Variants in OPHN1 observed in about 807,000 individuals in gnomAD.
The protein encoded by OPHN1 is oligophrenin-1.
A neutral mutation model predicts 60.7 loss-of-function variants in OPHN1; 11 were observed. That is an observed-to-expected ratio of 0.18 (90% confidence interval 0.11 to 0.30). The LOEUF (loss-of-function observed/expected upper bound fraction) is 0.30. Among genes scored for constraint, OPHN1 ranks in the 10% least tolerant of loss-of-function variants. The pLI is 1.00. For synonymous variants in OPHN1, 226 were observed against 222.6 expected, an observed-to-expected ratio of 1.02 and a Z score of -0.14; for missense variants, 449 against 611.0, an observed-to-expected ratio of 0.73 and a Z score of 2.80.
At chrX:68,109,601 A>T (rs188343703) in intron 18 of OPHN1, among the ~76,000 whole-genome samples, 5,396 of 111,173 alleles carry the variant, frequency 0.049, 126 homozygotes, top group Non-Finnish European at 0.07. Flanking sequence ...AGTTTTTTTT[A>T]AATTTATCTT....
At chrX:68,236,301 A>C in intron 5 of OPHN1, among the ~76,000 whole-genome samples, 1 of 112,035 alleles carries the variant, frequency 8.9e-6, no homozygotes, top group Middle Eastern at 4.6e-3. Context: ...ATTTGAGAAA[A>C]GCATGGGCCA....
chrX:68,341,609 A>G (rs977528423), intron 2 of OPHN1, among the ~76,000 whole-genome samples: 3 of 111,635 alleles, frequency 2.7e-5, no homozygotes, highest in Non-Finnish European at 5.6e-5. Context: ...CAAGGTGGGT[A>G]TATCACTTGA....
At chrX:68,108,421 G>A (rs934179870) in intron 18 of OPHN1, among the ~76,000 whole-genome samples, 2 of 111,713 alleles carry the variant, frequency 1.8e-5, no homozygotes, top group Admixed American at 9.5e-5. Flanking sequence ...TTTTCTTCTT[G>A]TTGCTTTCTC....
intron 5 of OPHN1, among the ~76,000 whole-genome samples, chrX:68,253,505 T>C (rs189835196): frequency 8.9e-4 from 100 of 112,105 alleles, no homozygotes; most frequent in African/African-American, 3.2e-3. Context: ...TCTATGCTCC[T>C]GGGTCAGTCA....
intron 2 of OPHN1, among the ~76,000 whole-genome samples, chrX:68,380,170 G>A (rs1172827636): frequency 3.6e-5 from 4 of 111,448 alleles, no homozygotes. Context: ...GGGTGTATGT[G>A]TCGAGGAATT....
intron 3 of OPHN1, among the ~76,000 whole-genome samples, chrX:68,292,666 A>G (rs1314217713): frequency 1.8e-5 from 2 of 111,615 alleles, no homozygotes; most frequent in African/African-American, 6.5e-5. Flanking sequence ...CTGAGATTAC[A>G]GGCATGAGGC....
chrX:68,390,017 C>T (rs2078645862), intron 2 of OPHN1, among the ~76,000 whole-genome samples: 1 of 111,101 alleles, frequency 9.0e-6, no homozygotes, highest in South Asian at 3.8e-4. Context: ...TCCTTCTTAA[C>T]AAGGCAGCAG....
At chrX:68,050,357 G>A (rs1173957050) in intron 23 of OPHN1, among the ~76,000 whole-genome samples, 2 of 111,977 alleles carry the variant, frequency 1.8e-5, no homozygotes, top group Non-Finnish European at 3.8e-5. Context: ...GGTTCTGGAA[G>A]CCCAGACATA....
intron 5 of OPHN1, among the ~76,000 whole-genome samples, chrX:68,267,390 A>T: frequency 8.9e-6 from 1 of 112,001 alleles, no homozygotes; most frequent in East Asian, 2.8e-4. Flanking sequence ...AAAACCGCTC[A>T]ACTACATGGA....
intron 5 of OPHN1, among the ~76,000 whole-genome samples, chrX:68,264,378 A>G (rs2077911007): frequency 8.9e-6 from 1 of 111,908 alleles, no homozygotes. Context: ...GCTAATATCT[A>G]GAATCTACAA....
chrX:68,189,450 C>T (rs1439758708), intron 15 of OPHN1, among the ~76,000 whole-genome samples: 1 of 110,247 alleles, frequency 9.1e-6, no homozygotes, highest in Non-Finnish European at 1.9e-5. Flanking sequence ...TGGTGTGCTG[C>T]ACCCATTAAC....
rs765563088 is a variant in OPHN1 at position 68,303,797 on chromosome X, A to G, written c.155-4701T>C. On this transcript the variant is annotated intron_variant, in intron 2 of 24. Coordinates refer to ENST00000355520, the MANE Select transcript of OPHN1 (RefSeq NM_002547.3). ...CTAAAATAAGCCAGGGACAAGAAAG[A>G]TAAATACCACATGCTCTTACTCGTA... 2.2e-4 allele frequency among the ~76,000 whole-genome samples: 24 copies of G among 111,466 alleles called. No homozygotes were observed. In the East Asian group the frequency reaches 6.8e-3, roughly 31 times the overall value.
chrX:68,144,005 ATTTTC>A (rs778539075), intron 15 of OPHN1, among the ~76,000 whole-genome samples: 15 of 110,447 alleles, frequency 1.4e-4, no homozygotes, highest in South Asian at 3.9e-4. Flanking sequence ...AAGAGCTACA[ATTTTC>A]TTTTCTTTTC....
At chrX:68,352,156 A>G (rs936692863) in intron 2 of OPHN1, among the ~76,000 whole-genome samples, 2 of 109,712 alleles carry the variant, frequency 1.8e-5, no homozygotes, top group African/African-American at 6.6e-5. Flanking sequence ...TACAGACGTG[A>G]GCCGCCACGC....
intron 6 of OPHN1, among the ~76,000 whole-genome samples, chrX:68,227,401 G>C (rs2077700898): frequency 9.0e-6 from 1 of 111,110 alleles, no homozygotes; most frequent in Non-Finnish European, 1.9e-5. Flanking sequence ...TCTGCACCAA[G>C]CGGACCTAAT....
At chrX:68,344,634 G>A (rs1204775444) in intron 2 of OPHN1, among the ~76,000 whole-genome samples, 1 of 110,687 alleles carries the variant, frequency 9.0e-6, no homozygotes, top group Non-Finnish European at 1.9e-5. Context: ...CAGCACTTTG[G>A]GAAGTCAAGG....
intron 13 of OPHN1, among the ~76,000 whole-genome samples, chrX:68,194,206 G>A (rs1464411858): frequency 8.9e-6 from 1 of 112,321 alleles, no homozygotes; most frequent in Non-Finnish European, 1.9e-5. Flanking sequence ...TGAAATGTTA[G>A]CCTAAAAATA....
At chrX:68,164,666 G>C (rs1454904408) in intron 15 of OPHN1, among the ~76,000 whole-genome samples, 1 of 111,936 alleles carries the variant, frequency 8.9e-6, no homozygotes, top group African/African-American at 3.2e-5. Flanking sequence ...TGGTCAATGA[G>C]CACTGGCTTT....
intron 2 of OPHN1, among the ~76,000 whole-genome samples, chrX:68,405,504 G>A (rs1018574494): frequency 5.4e-5 from 6 of 111,286 alleles, no homozygotes; most frequent in African/African-American, 2.0e-4. Context: ...TATAGTCTTT[G>A]GGGTGATTTT....
Sources: gnomAD v4.1 joint callset for allele counts (sites outside exome capture counted in the v4.1 genomes callset) on GRCh38, gnomAD v4.1.1 for gene constraint, MANE v1.5 for transcripts, NCBI Gene and HGNC (gene_info 2026-07-23, HGNC 2026-07-21) for gene names.